Variants in LLPH observed in about 807,000 individuals in gnomAD.
The protein encoded by LLPH is protein LLP homolog.
In LLPH, 5 loss-of-function variants were observed where a neutral mutation model predicts 13.3. The ratio of observed to expected loss-of-function variants is 0.38; its 90% CI spans 0.20 to 0.79. LLPH has a LOEUF of 0.79. Among genes scored for constraint, LLPH ranks in the 30% least tolerant of loss-of-function variants. The pLI, the probability that LLPH is intolerant of heterozygous loss-of-function variation, is 0.45. For synonymous variants in LLPH, 32 were observed against 44.2 expected, an observed-to-expected ratio of 0.72 and a Z score of 1.09; for missense variants, 129 against 152.1, an observed-to-expected ratio of 0.85 and a Z score of 0.80.
At chr12:66,125,439 A>C (rs2051490083) in intron 2 of LLPH, among the ~76,000 whole-genome samples, 1 of 152,190 alleles carries the variant, frequency 6.6e-6, no homozygotes, top group African/African-American at 2.4e-5. Context: ...AAAGAGTAGA[A>C]ATAAGGAAAA....
rs2051444422 is a variant in LLPH at position 66,118,646 on chromosome 12, A to G, written c.*5194T>C. 6.6e-6 allele frequency: 1 copy of G among 152,254 alleles called. No homozygotes were observed. The highest frequency in any genetic ancestry group is 6.5e-5 in the Admixed American group (1 of 15,284). 9.4% of individuals were successfully genotyped at this position (152,254 alleles called of 1,614,324 possible). ...CTAGAAGCAATAGGCTATATCACAT[A>G]GCCTAAGTGTAGTAGACGATACCCT... On this transcript the variant is annotated 3_prime_UTR_variant, in exon 3 of 3. Transcript: ENST00000266604.
chr12:66,125,795 A>G (rs2051492606), intron 2 of LLPH, among the ~76,000 whole-genome samples: 1 of 152,160 alleles, frequency 6.6e-6, no homozygotes. Flanking sequence ...AACAATGACC[A>G]CTGATCACCA....
At chr12:66,126,063 G>A (rs540492756) in intron 2 of LLPH, among the ~76,000 whole-genome samples, 7 of 152,068 alleles carry the variant, frequency 4.6e-5, no homozygotes, top group Non-Finnish European at 8.8e-5. Flanking sequence ...AGTGGCTCAC[G>A]CCTGTAATCC....
At chr12:66,127,891 C>T (rs140471025) in intron 2 of LLPH, among the ~76,000 whole-genome samples, 1,548 of 152,222 alleles carry the variant, frequency 0.01, 15 homozygotes, top group Non-Finnish European at 0.014. Flanking sequence ...GTGGAGGAGA[C>T]TGATAAGGCA....
chr12:66,129,040 G>A lies in LLPH; in HGVS notation c.67C>T (p.Pro23Ser). 13 of 1,606,408 alleles carry A rather than the reference G, an allele frequency of 8.1e-6. No individual in the cohort carries two copies. The highest frequency in any genetic ancestry group is 1.0e-5 in the Non-Finnish European group (12 of 1,175,714). Residue 23 changes from proline (P) to serine (S), a missense_variant, in exon 2 of 3, where the codon CCA becomes TCA. Physicochemically the swap from Pro to Ser is moderately conservative, Grantham distance 74. Transcript: ENST00000266604. The part of the protein sequence containing the change: ...MRAEKRKKNA[P>S]KEASRLKSIL... ...CTTTTAAGCCTGCTGGCCTCCTTTG[G>A]GGCATTCTTTTTTCTCTTTTCAGCA... is the stretch of plus-strand genomic sequence containing the variant.
rs756489293 is a variant in LLPH at position 66,117,010 on chromosome 12, T to C, written c.*6830A>G. ...AAAAAGATACTTAAGTCTACAGTTA[T>C]GTAGTACCAAAAAACTATGTAGAGC... On this transcript the variant is annotated 3_prime_UTR_variant, in exon 3 of 3. Coordinates refer to ENST00000266604, the MANE Select transcript of LLPH (RefSeq NM_032338.4). 6 of 152,230 alleles carry C rather than the reference T, an allele frequency of 3.9e-5. No individual in the cohort carries two copies. Among genetic ancestry groups the C allele is most frequent in the Admixed American group, 1.3e-4 (2 of 15,284 alleles). 9.4% of individuals were successfully genotyped at this position (152,230 alleles called of 1,614,324 possible). A position where few individuals can be genotyped will look rare whatever the true frequency, so the allele number is the denominator to read the frequency against.
intron 2 of LLPH, among the ~76,000 whole-genome samples, chr12:66,126,024 C>T (rs965165897): frequency 6.6e-6 from 1 of 152,036 alleles, no homozygotes; most frequent in Non-Finnish European, 1.5e-5. Context: ...GAACACAAAG[C>T]TATGAAAAAG....
intron 2 of LLPH, among the ~76,000 whole-genome samples, chr12:66,124,377 T>C (rs577969358): frequency 6.6e-6 from 1 of 152,312 alleles, no homozygotes; most frequent in East Asian, 1.9e-4. Flanking sequence ...TGACTGGCCA[T>C]TTCTTAAGAA....
In LLPH at chr12:66,118,199, A is replaced by T. The variant is rs1274129141; in HGVS notation, c.*5641T>A. The T allele has an allele frequency of 2.6e-5, 4 of 152,148 alleles. No homozygotes were observed. The highest frequency in any genetic ancestry group is 5.9e-5 in the Non-Finnish European group (4 of 68,056). 9.4% of individuals were successfully genotyped at this position (152,148 alleles called of 1,614,324 possible). ...ACCAACATGGAGAAACCTCATCTCTACCAAAAATACAAAATTAGCCGGCCG... is the reference window on the plus strand; with the variant it reads ...ACCAACATGGAGAAACCTCATCTCTTCCAAAAATACAAAATTAGCCGGCCG... On this transcript the variant is annotated 3_prime_UTR_variant, in exon 3 of 3. Coordinates refer to ENST00000266604, the MANE Select transcript of LLPH (RefSeq NM_032338.4).
At position 66,118,494 on chromosome 12, in the gene LLPH, C is replaced by A. The variant is rs1181382631; in HGVS notation, c.*5346G>T. 1 of 152,032 alleles carries A rather than the reference C, an allele frequency of 6.6e-6. No homozygotes were observed. The highest frequency in any genetic ancestry group is 6.6e-5 in the Admixed American group (1 of 15,244). The allele number at this position is 152,032 out of a possible 1,614,324, so 9.4% of individuals were successfully genotyped here. On this transcript the variant is annotated 3_prime_UTR_variant, in exon 3 of 3. Transcript: ENST00000266604. Reference sequence around the variant, plus strand: ...ACTATTCATAAGTGGTACAGGTGTACCATTTTTTTATCTTTTATACTGTAT... The same window carrying A: ...ACTATTCATAAGTGGTACAGGTGTAACATTTTTTTATCTTTTATACTGTAT...
rs1280937309 is a variant in LLPH, at chr12:66,119,959, T to C, written c.*3881A>G. ...TATTTGATGTAGCATGTGAATTACATAGTGGGAAGAGATATCTACACTAAT... is the reference window on the plus strand; with the variant it reads ...TATTTGATGTAGCATGTGAATTACACAGTGGGAAGAGATATCTACACTAAT... On this transcript the variant is annotated 3_prime_UTR_variant, in exon 3 of 3. Transcript: ENST00000266604. The C allele has an allele frequency of 6.6e-6, 1 of 151,418 alleles. No individual in the cohort carries two copies. Among genetic ancestry groups the C allele is most frequent in the African/African-American group, 2.4e-5 (1 of 41,168 alleles). 9.4% of individuals were successfully genotyped at this position (151,418 alleles called of 1,614,324 possible).
In LLPH at chr12:66,123,813, T is replaced by C. The variant is rs2051479145; in HGVS notation, c.*27A>G. Reference sequence around the variant, plus strand: ...ACATTCTAATCCGTCATCTATCCCATGTGGCATTTTCCAAGGTTTTAAGAG... The same window carrying C: ...ACATTCTAATCCGTCATCTATCCCACGTGGCATTTTCCAAGGTTTTAAGAG... On this transcript the variant is annotated 3_prime_UTR_variant, in exon 3 of 3. Transcript: ENST00000266604. 6.2e-7 allele frequency: 1 copy of C among 1,609,326 alleles called. No homozygotes were observed. The highest frequency in any genetic ancestry group is 2.2e-5 in the East Asian group (1 of 44,860).
At position 66,120,560 on chromosome 12, in the gene LLPH, A is replaced by T. The variant is rs998611398; in HGVS notation, c.*3280T>A. The T allele has an allele frequency of 5.9e-5, 9 of 152,214 alleles. No individual in the cohort carries two copies. The highest frequency in any genetic ancestry group is 2.2e-4 in the African/African-American group (9 of 41,462). The allele number at this position is 152,214 out of a possible 1,614,324, so 9.4% of individuals were successfully genotyped here. A position where few individuals can be genotyped will look rare whatever the true frequency, so the allele number is the denominator to read the frequency against. On this transcript the variant is annotated 3_prime_UTR_variant, in exon 3 of 3. Transcript: ENST00000266604. ...AAGCAGTTTTGATCATCTTTAAATT[A>T]TATTTTGATTTCAGACTTAATTTCT...
At chr12:66,128,279 T>C (rs889279349) in intron 2 of LLPH, among the ~76,000 whole-genome samples, 24 of 152,180 alleles carry the variant, frequency 1.6e-4, no homozygotes, top group African/African-American at 4.8e-4. Flanking sequence ...AGTCTGGGTA[T>C]TGCAAATACT....
chr12:66,128,513 A>G (rs1426378917), intron 2 of LLPH, among the ~76,000 whole-genome samples: 2 of 152,162 alleles, frequency 1.3e-5, no homozygotes, highest in Non-Finnish European at 2.9e-5. Flanking sequence ...CTAGGCCCTG[A>G]GTGAACTGTG....
chr12:66,123,690 T>A lies in LLPH; in HGVS notation c.*150A>T, dbSNP rs917973273. The A allele has an allele frequency of 4.2e-6, 3 of 708,754 alleles. No individual in the cohort carries two copies. Among genetic ancestry groups the A allele is most frequent in the African/African-American group, 3.6e-5 (2 of 55,758 alleles). The allele number at this position is 708,754 out of a possible 1,614,324, so 43.9% of individuals were successfully genotyped here. A position where few individuals can be genotyped will look rare whatever the true frequency, so the allele number is the denominator to read the frequency against. On this transcript the variant is annotated 3_prime_UTR_variant, in exon 3 of 3. Transcript: ENST00000266604. ...AAGTTCCCAAAACAAACTTGAGGAG[T>A]TATGCTGGGTTTGAATTGAAGAAAA... is the stretch of plus-strand genomic sequence containing the variant.
chr12:66,127,717 G>C (rs111743752), intron 2 of LLPH, among the ~76,000 whole-genome samples: 3,052 of 152,290 alleles, frequency 0.02, 108 homozygotes, highest in African/African-American at 0.068. Context: ...ATGTGTGTGT[G>C]AGGAAATGAA....
Position 66,122,222 on chromosome 12 carries a change from T to C in LLPH, c.*1618A>G, listed in dbSNP as rs2051467907. The C allele has an allele frequency of 6.6e-6, 1 of 152,216 alleles. No individual in the cohort carries two copies. Among genetic ancestry groups the C allele is most frequent in the Non-Finnish European group, 1.5e-5 (1 of 68,030 alleles). The allele number at this position is 152,216 out of a possible 1,614,324, so 9.4% of individuals were successfully genotyped here. On this transcript the variant is annotated 3_prime_UTR_variant, in exon 3 of 3. Transcript: ENST00000266604. Reference sequence around the variant, plus strand: ...TGGCATCAAATTTTATAAGCTTAAATTTTCTGAAACATTTGGGTCATGTCC... The same window carrying C: ...TGGCATCAAATTTTATAAGCTTAAACTTTCTGAAACATTTGGGTCATGTCC...
In LLPH at chr12:66,121,894, A is replaced by C. The variant is rs1401770490; in HGVS notation, c.*1946T>G. 1 of 151,726 alleles carries C rather than the reference A, an allele frequency of 6.6e-6. No homozygotes were observed. Among genetic ancestry groups the C allele is most frequent in the East Asian group, 1.9e-4 (1 of 5,142 alleles). 9.4% of individuals were successfully genotyped at this position (151,726 alleles called of 1,614,324 possible). Reference sequence around the variant, plus strand: ...GTGAGACCCCATCTCAAAAAAAAAAAAAAAAAAAACATAAATAATTCAGCT... The same window carrying C: ...GTGAGACCCCATCTCAAAAAAAAAACAAAAAAAAACATAAATAATTCAGCT... On this transcript the variant is annotated 3_prime_UTR_variant, in exon 3 of 3. Coordinates refer to ENST00000266604, the MANE Select transcript of LLPH (RefSeq NM_032338.4).
Sources: gnomAD v4.1 joint callset for allele counts (sites outside exome capture counted in the v4.1 genomes callset) on GRCh38, gnomAD v4.1.1 for gene constraint, MANE v1.5 for transcripts, NCBI Gene and HGNC (gene_info 2026-07-23, HGNC 2026-07-21) for gene names.